The following MED27 variants were observed in gnomAD, a reference collection of about 807,000 sequenced individuals.
The protein encoded by MED27 is mediator complex subunit 27.
In MED27, 30 loss-of-function variants were observed where a neutral mutation model predicts 38.2. That is an observed-to-expected ratio of 0.79 (90% CI 0.59 to 1.07). The LOEUF (loss-of-function observed/expected upper bound fraction) is 1.07, where lower values mean the gene tolerates loss of function less well. Ranked by LOEUF, MED27 falls within the 50% of genes least tolerant of loss-of-function variation. The pLI, the probability that MED27 is intolerant of heterozygous loss-of-function variation, is 0.00. For missense variants in MED27, 289 were observed against 397.5 expected (o/e 0.73, Z 2.32); for synonymous variants, 122 against 153.5 (o/e 0.79, Z 1.52).
chr9:131,958,248 GTT>G (rs945537637), intron 3 of MED27, among the ~76,000 whole-genome samples: 1 of 141,722 alleles, frequency 7.1e-6, no homozygotes, highest in Non-Finnish European at 1.6e-5. Context: ...ATTCAGTGGG[GTT>G]TTTTTTTTTT....
In MED27 at chr9:132,051,878, T is replaced by G. The variant is rs1833471994; in HGVS notation, c.348+25564A>C. The stretch of plus-strand genomic sequence containing the variant: ...AGAATCCCGATGGACGAGACTGAGG[T>G]GCCAAAACAGGTCCCTTTCCTTGCC... On this transcript the variant is annotated intron_variant, in intron 2 of 7. Coordinates refer to ENST00000292035, the MANE Select transcript of MED27 (RefSeq NM_004269.4). The surrounding 1 kb of genome is among the most constrained non-coding windows in gnomAD (Gnocchi z 4.2). Among the ~76,000 whole-genome samples, 1 of 152,164 alleles carries G rather than the reference T, an allele frequency of 6.6e-6. No individual in the cohort carries two copies. The highest frequency in any genetic ancestry group is 2.1e-4 in the South Asian group (1 of 4,832).
rs11243615 is a variant in MED27 at position 132,077,422 on chromosome 9, G to A, written c.348+20C>T. The A allele has an allele frequency of 6.7e-3, 10,829 of 1,609,160 alleles. 318 individuals are homozygous for A. In the African/African-American group the frequency reaches 0.085, roughly 13 times the overall value. On this transcript the variant is annotated intron_variant, in intron 2 of 7. Transcript: ENST00000292035. ...ACTTGGTTTTCCATATATTAGCTCC[G>A]TTTATTACATCTCCCTTACCTTGTT...
At chr9:132,077,680 T>C (rs2131176036) in intron 1 of MED27, 94 bp from the exon 2 acceptor site, 11 of 1,301,174 alleles carry the variant, frequency 8.5e-6, no homozygotes, top group Non-Finnish European at 1.2e-5. Flanking sequence ...CTTCAAACCA[T>C]CCATCAGAAG....
chr9:131,972,639 G>T (rs1831504011), intron 3 of MED27, among the ~76,000 whole-genome samples: 1 of 152,222 alleles, frequency 6.6e-6, no homozygotes, highest in Non-Finnish European at 1.5e-5. Context: ...AAGTCCCTGG[G>T]CTGAATGAAG....
intron 3 of MED27, among the ~76,000 whole-genome samples, chr9:131,971,673 T>C (rs950232294): frequency 2.0e-5 from 3 of 152,046 alleles, no homozygotes; most frequent in Non-Finnish European, 4.4e-5. Flanking sequence ...GGACTTGAGA[T>C]GTAATCTAGA....
intron 3 of MED27, among the ~76,000 whole-genome samples, chr9:132,007,117 G>A (rs1832375054): frequency 6.6e-6 from 1 of 152,204 alleles, no homozygotes; most frequent in Admixed American, 6.5e-5. Flanking sequence ...GGAAGCCCTA[G>A]GTGTGAGTGC....
chr9:132,035,057 T>C (rs201257364), intron 2 of MED27, among the ~76,000 whole-genome samples: 2 of 152,064 alleles, frequency 1.3e-5, no homozygotes, highest in African/African-American at 4.8e-5. Flanking sequence ...ACGGTAACAA[T>C]AGCCTCCAAG....
chr9:132,017,064 T>C lies in MED27; in HGVS notation c.349-2597A>G, dbSNP rs1376320807. ...AAGCAGCACTTGTTAATCATATATA[T>C]GTATCCCAGTTTCCAGGAACACGGC... On this transcript the variant is annotated intron_variant, in intron 2 of 7. Coordinates refer to ENST00000292035, the MANE Select transcript of MED27 (RefSeq NM_004269.4). 2.6e-5 allele frequency among the ~76,000 whole-genome samples: 4 copies of C among 152,092 alleles called. No individual in the cohort carries two copies. In the East Asian group the frequency reaches 5.8e-4, roughly 22 times the overall value.
intron 3 of MED27, among the ~76,000 whole-genome samples, chr9:131,971,466 G>A (rs535622638): frequency 7.9e-5 from 12 of 152,312 alleles, no homozygotes; most frequent in Admixed American, 3.9e-4. Context: ...AATTTATCGC[G>A]AATGTGATGA....
At chr9:131,869,703 G>A (rs968086547) in intron 6 of MED27, among the ~76,000 whole-genome samples, 2 of 152,222 alleles carry the variant, frequency 1.3e-5, no homozygotes, top group African/African-American at 4.8e-5. Flanking sequence ...AGAGGAATGC[G>A]GGGATGGGGA....
chr9:131,976,580 C>T lies in MED27; in HGVS notation c.480-37106G>A, dbSNP rs530030468. On this transcript the variant is annotated intron_variant, in intron 3 of 7. Coordinates refer to ENST00000292035, the MANE Select transcript of MED27 (RefSeq NM_004269.4). ...AATCCAATCTCCCATTACAAATAGG[C>T]CTTGCCAATGAATTTAAACAAATAC... Among the ~76,000 whole-genome samples, 4 of 152,288 alleles carry T rather than the reference C, an allele frequency of 2.6e-5. No homozygotes were observed. In the East Asian group the frequency reaches 5.8e-4, roughly 22 times the overall value.
intron 2 of MED27, among the ~76,000 whole-genome samples, chr9:132,053,875 A>G (rs2131140295): frequency 6.6e-6 from 1 of 152,274 alleles, no homozygotes; most frequent in South Asian, 2.1e-4. Flanking sequence ...TAGTGTTTAT[A>G]TATTTATTGT....
intron 6 of MED27, among the ~76,000 whole-genome samples, chr9:131,866,004 GC>G (rs1340369950): frequency 6.6e-6 from 1 of 152,138 alleles, no homozygotes; most frequent in African/African-American, 2.4e-5. Context: ...CGTGCAGTTT[GC>G]CTGAGCACCC....
intron 3 of MED27, among the ~76,000 whole-genome samples, chr9:131,985,514 A>G (rs1166036323): frequency 6.6e-6 from 1 of 152,216 alleles, no homozygotes; most frequent in Non-Finnish European, 1.5e-5. Flanking sequence ...CATAGTAGCC[A>G]TGGTAAAGTC....
At chr9:131,924,329 T>C (rs1387086795) in intron 4 of MED27, among the ~76,000 whole-genome samples, 1 of 152,164 alleles carries the variant, frequency 6.6e-6, no homozygotes, top group Non-Finnish European at 1.5e-5. Context: ...TAATTATGGG[T>C]AAGGTTGAAC....
At position 132,073,241 on chromosome 9, in the gene MED27, C is replaced by T. The variant is rs79042005; in HGVS notation, c.348+4201G>A. On this transcript the variant is annotated intron_variant, in intron 2 of 7. Transcript: ENST00000292035. Reference sequence around the variant, plus strand: ...CAAATTGCCTCCCATCCAAGCACCACAACTGGCTTTCTCAGTAATGGCTGA... The same window carrying T: ...CAAATTGCCTCCCATCCAAGCACCATAACTGGCTTTCTCAGTAATGGCTGA... 3.8e-4 allele frequency: 318 copies of T among 840,228 alleles called. 1 individual carries two copies. The African/African-American group carries it at 5.7e-3, about 15-fold the overall frequency. The allele number at this position is 840,228 out of a possible 1,614,324, so 52.0% of individuals were successfully genotyped here. A position where few individuals can be genotyped will look rare whatever the true frequency, so the allele number is the denominator to read the frequency against.
chr9:132,044,043 T>G (rs902586096), intron 2 of MED27, among the ~76,000 whole-genome samples: 7 of 152,154 alleles, frequency 4.6e-5, no homozygotes, highest in African/African-American at 1.7e-4. Context: ...ATGTGTTACT[T>G]TGATAATTTG....
At chr9:132,041,028 G>A (rs1315061841) in intron 2 of MED27, among the ~76,000 whole-genome samples, 5 of 152,182 alleles carry the variant, frequency 3.3e-5, no homozygotes, top group Non-Finnish European at 5.9e-5. Flanking sequence ...AGCCCTGCTG[G>A]CAGCTGTCAT....
At chr9:131,973,457 C>CTTTTTTTTTTTTTTTTTTT (rs747946439) in intron 3 of MED27, among the ~76,000 whole-genome samples, 22 of 122,154 alleles carry the variant, frequency 1.8e-4, no homozygotes, top group Non-Finnish European at 2.7e-4. Context: ...TTTTTCTTTT[C>CTTTTTTTTTTTTTTTTTTT]TTTTTTTTTT....
Sources: gnomAD v4.1 joint callset for allele counts (sites outside exome capture counted in the v4.1 genomes callset) on GRCh38, gnomAD v4.1.1 for gene constraint, Gnocchi (gnomAD v3.1) non-coding constraint, MANE v1.5 for transcripts, NCBI Gene and HGNC (gene_info 2026-07-23, HGNC 2026-07-21) for gene names.